Variants in DNAH6 observed in about 807,000 individuals in gnomAD.
DNAH6 encodes axonemal beta dynein heavy chain 6.
Under a neutral mutation model 491.4 loss-of-function variants are expected in DNAH6, and 340 were observed. The ratio of observed to expected loss-of-function variants is 0.69; its 90% CI spans 0.63 to 0.76. The LOEUF is 0.76. Ranked by LOEUF, DNAH6 falls within the 30% of genes least tolerant of loss-of-function variation. The pLI, the probability that DNAH6 is intolerant of heterozygous loss-of-function variation, is 0.00. For missense variants in DNAH6, 4,443 were observed against 4,972.2 expected, an observed-to-expected ratio of 0.89 and a Z score of 3.20; for synonymous variants, 1,603 against 1,686.1, an observed-to-expected ratio of 0.95 and a Z score of 1.21.
intron 59 of DNAH6, 130 bp downstream of exon 59, chr2:84,718,514 C>G: frequency 1.5e-6 from 1 of 647,320 alleles, no homozygotes; most frequent in South Asian, 3.9e-5. Flanking sequence ...GACACACAGA[C>G]GGGTGCCTGC....
At chr2:84,604,573 A>C in intron 19 of DNAH6, 22 bp downstream of exon 19, 4 of 1,523,764 alleles carry the variant, frequency 2.6e-6, no homozygotes, top group Non-Finnish European at 3.6e-6. Flanking sequence ...ATATATATTT[A>C]TCTATATACC....
chr2:84,514,648 C>A (rs959281951), upstream of DNAH6, among the ~76,000 whole-genome samples: 8 of 151,842 alleles, frequency 5.3e-5, no homozygotes, highest in African/African-American at 1.9e-4. Flanking sequence ...AAGAAACAAC[C>A]AATGAAATGT....
rs555396532 is a variant in DNAH6, at chr2:84,681,697, A to G, written c.6916+169A>G. Among the ~76,000 whole-genome samples, 18 of 151,550 alleles carry G rather than the reference A, an allele frequency of 1.2e-4. 1 individual carries two copies. In the East Asian group the frequency reaches 3.1e-3, roughly 26 times the overall value. ...TTCACAACTATTTCACATGGCCAAC[A>G]CTGCCTCCCATTTCTCACTCCCAGC... On this transcript the variant is annotated intron_variant, in intron 42 of 76. Transcript: ENST00000389394.
At chr2:84,784,222 G>T (rs748451810) in intron 65 of DNAH6, among the ~76,000 whole-genome samples, 6 of 152,086 alleles carry the variant, frequency 3.9e-5, no homozygotes, top group Non-Finnish European at 7.4e-5. Context: ...TTGACTTAAC[G>T]TGCTAATGCC....
At chr2:84,728,239 T>C (rs1205841741) in intron 61 of DNAH6, among the ~76,000 whole-genome samples, 1 of 152,210 alleles carries the variant, frequency 6.6e-6, no homozygotes, top group Non-Finnish European at 1.5e-5. Flanking sequence ...TTAAACCTCT[T>C]TTTCTTTATA....
Position 84,701,169 on chromosome 2 carries a change from A to G in DNAH6, c.7891A>G (p.Lys2631Glu), listed in dbSNP as rs768508671. The G allele has an allele frequency of 3.8e-5, 59 of 1,551,726 alleles. 1 individual carries two copies. In the South Asian group the frequency reaches 6.4e-4, roughly 17 times the overall value. ...SQVDAGNEEL[K>E]EKLPLMCVNV... ...AGTCGATGCTGGAAATGAAGAACTG[A>G]AAGAAAAGCTTCCCTTGATGTGCGT... is the stretch of plus-strand genomic sequence containing the variant. The change falls in exon 49 of 77, where the codon AAA becomes GAA. Residue 2631 changes from lysine to glutamate, a missense_variant. Around this residue, in one of 3 missense-constraint regions of DNAH6, gnomAD observed 2,977 missense variants for 3,296.6 expected, o/e 0.90. Coordinates refer to ENST00000389394, the MANE Select transcript of DNAH6 (RefSeq NM_001370.2).
At chr2:84,670,729 C>A (rs1266644298) in intron 39 of DNAH6, among the ~76,000 whole-genome samples, 6 of 152,228 alleles carry the variant, frequency 3.9e-5, no homozygotes, top group Non-Finnish European at 8.8e-5. Flanking sequence ...TCCCTCTCTC[C>A]ACCCAGGTTC....
rs1022218338 is a variant in DNAH6 at position 84,701,184 on chromosome 2, T to C, written c.7906T>C (p.Leu2636=). The change falls in exon 49 of 77, where the codon TTG becomes CTG. Residue 2636 remains leucine (L), a synonymous_variant. Transcript: ENST00000389394. ...TGAAGAACTGAAAGAAAAGCTTCCC[T>C]TGATGTGCGTGAACGTTCACTTGAG... The part of the protein sequence containing the change: ...GNEELKEKLP[L]MCVNVHLSVS... 3 of 1,551,696 alleles carry C rather than the reference T, an allele frequency of 1.9e-6. No individual in the cohort carries two copies. In the African/African-American group the frequency reaches 4.1e-5, roughly 21 times the overall value.
At chr2:84,555,990 A>G (rs1012724778) in intron 10 of DNAH6, among the ~76,000 whole-genome samples, 1 of 152,026 alleles carries the variant, frequency 6.6e-6, no homozygotes, top group African/African-American at 2.4e-5. Context: ...TCCATTTTCC[A>G]CATTACTGAC....
intron 14 of DNAH6, among the ~76,000 whole-genome samples, chr2:84,583,321 C>A (rs77572770): frequency 0.031 from 4,711 of 152,258 alleles, 76 homozygotes; most frequent in Middle Eastern, 0.1. Context: ...AGCTGAACAA[C>A]CCCACAGCAC....
chr2:84,498,316 C>G, the DNAH6 span, among the ~76,000 whole-genome samples: 1 of 152,186 alleles, frequency 6.6e-6, no homozygotes, highest in African/African-American at 2.4e-5. Context: ...ATCACCCTGT[C>G]TTTAGACTCT....
At chr2:84,544,635 G>A (rs1678597796) in intron 5 of DNAH6, 135 bp downstream of exon 5, 1 of 612,636 alleles carries the variant, frequency 1.6e-6, no homozygotes, top group Non-Finnish European at 2.7e-6. Context: ...TTTTCATCCT[G>A]TCTTGTCATT....
At chr2:84,716,597 C>G (rs889131882) in intron 58 of DNAH6, among the ~76,000 whole-genome samples, 1 of 152,136 alleles carries the variant, frequency 6.6e-6, no homozygotes, top group Non-Finnish European at 1.5e-5. Flanking sequence ...AGGTTAACTT[C>G]TTTCCAATTA....
intron 14 of DNAH6, among the ~76,000 whole-genome samples, chr2:84,580,316 G>GCACACACACACACA (rs36209367): frequency 1.9e-3 from 290 of 149,276 alleles, no homozygotes; most frequent in African/African-American, 6.4e-3. Context: ...ACATACACAC[G>GCACACACACACACA]CACACACACA....
chr2:84,777,711 C>A, intron 64 of DNAH6: 1 of 822,868 alleles, frequency 1.2e-6, no homozygotes, highest in Non-Finnish European at 2.2e-6. Flanking sequence ...AATGGGTGAA[C>A]TCCCAGCCCT....
chr2:84,488,245 A>G, the DNAH6 span, among the ~76,000 whole-genome samples: 2 of 152,154 alleles, frequency 1.3e-5, no homozygotes, highest in African/African-American at 4.8e-5. Context: ...AAACAACACA[A>G]ATTTATTCTC....
intron 58 of DNAH6, 40 bp downstream of exon 58, chr2:84,715,667 G>A (rs1339703526): frequency 1.3e-6 from 2 of 1,517,880 alleles, no homozygotes; most frequent in Non-Finnish European, 1.8e-6. Flanking sequence ...AGGGGGTATT[G>A]TGGGTTTCCT....
intron 10 of DNAH6, among the ~76,000 whole-genome samples, chr2:84,554,357 G>T (rs1013685832): frequency 2.0e-5 from 3 of 152,146 alleles, no homozygotes; most frequent in Non-Finnish European, 4.4e-5. Context: ...AAGAGGAGGG[G>T]ATTGAACAGC....
chr2:84,475,472 T>G, the DNAH6 span, among the ~76,000 whole-genome samples: 1 of 152,234 alleles, frequency 6.6e-6, no homozygotes, highest in Non-Finnish European at 1.5e-5. Context: ...TGATTGATGG[T>G]AGCTCTTGCC....
Sources: allele counts gnomAD v4.1 joint callset (sites outside exome capture counted in the v4.1 genomes callset), GRCh38; gene constraint gnomAD v4.1.1; regional missense constraint gnomAD v4.1.1; transcripts MANE v1.5; gene names NCBI Gene and HGNC (gene_info 2026-07-23, HGNC 2026-07-21).